The following TRAF7 variants were observed in gnomAD, a reference collection of about 807,000 sequenced individuals.
The protein encoded by TRAF7 is TNF receptor associated factor 7.
A neutral mutation model predicts 89.3 loss-of-function variants in TRAF7; 45 were observed. The ratio of observed to expected loss-of-function variants is 0.50; its 90% confidence interval spans 0.40 to 0.65. The LOEUF (loss-of-function observed/expected upper bound fraction) is 0.65. Among genes scored for constraint, TRAF7 ranks in the 30% least tolerant of loss-of-function variants. TRAF7 has a pLI of 0.00. For missense variants in TRAF7, 677 were observed against 918.1 expected (o/e 0.74, Z 3.39); for synonymous variants, 406 against 369.2 (o/e 1.10, Z -1.14).
rs371087983 is a variant in TRAF7, at chr16:2,165,820, A to G, written c.82-59A>G. ...TGTTAGGCATGTGAGTGGGCTCCAC[A>G]TGTGCACGTCCTCCTTGTGTCCCGG... On this transcript the variant is annotated intron_variant, in intron 2 of 20. Transcript: ENST00000326181. The G allele has an allele frequency of 5.2e-5, 83 of 1,605,972 alleles. No homozygotes were observed. In the African/African-American group the frequency reaches 6.8e-4, roughly 13 times the overall value.
Position 2,168,395 on chromosome 16 carries a change from C to G in TRAF7, c.231+227C>G, listed in dbSNP as rs2093095475. The G allele has an allele frequency of 1.9e-6, 1 of 518,340 alleles. No individual in the cohort carries two copies. Among genetic ancestry groups the G allele is most frequent in the East Asian group, 3.4e-5 (1 of 29,458 alleles). The allele number at this position is 518,340 out of a possible 1,614,324, so 32.1% of individuals were successfully genotyped here. ...GGGCAGCCAGTGAGGGCAGCTGGGTCAGAGGGCCTGGCACCTGCAGGCCAG... is the reference window on the plus strand; with the variant it reads ...GGGCAGCCAGTGAGGGCAGCTGGGTGAGAGGGCCTGGCACCTGCAGGCCAG... On this transcript the variant is annotated intron_variant, in intron 4 of 20. Transcript: ENST00000326181. The surrounding 1 kb of genome is among the most constrained non-coding windows in gnomAD (Gnocchi z 4.1).
intron 2 of TRAF7, among the ~76,000 whole-genome samples, chr16:2,165,453 C>G (rs1279570969): frequency 1.4e-3 from 121 of 87,510 alleles, no homozygotes; most frequent in Admixed American, 3.4e-3. Flanking sequence ...GCTGCGTGGC[C>G]TGGCCTGGTC....
rs568887014 is a variant in TRAF7 at position 2,158,769 on chromosome 16, G to C, written c.-39+2911G>C. Among the ~76,000 whole-genome samples the C allele has an allele frequency of 2.4e-4, 18 of 76,564 alleles. 1 individual carries two copies. Among genetic ancestry groups the C allele is most frequent in the Non-Finnish European group, 2.4e-4 (8 of 33,502 alleles). 50.2% of individuals were successfully genotyped at this position (76,564 alleles called of 152,430 possible). A position where few individuals can be genotyped will look rare whatever the true frequency, so the allele number is the denominator to read the frequency against. ...TGGGACTGGGAAGCGTGGGCTCGGC[G>C]GGGGGGGGGGGGACACTGCCACCCT... On this transcript the variant is annotated intron_variant, in intron 1 of 20. Coordinates refer to ENST00000326181, the MANE Select transcript of TRAF7 (RefSeq NM_032271.3). The surrounding 1 kb of genome is among the most constrained non-coding windows in gnomAD (Gnocchi z 4.7).
Position 2,177,390 on chromosome 16 carries a change from A to ACAC in TRAF7, c.*820_*822dup. 1 of 233,138 alleles carries ACAC rather than the reference A, an allele frequency of 4.3e-6. No homozygotes were observed. The highest frequency in any genetic ancestry group is 8.5e-6 in the Non-Finnish European group (1 of 117,966). The allele number at this position is 233,138 out of a possible 1,614,324, so 14.4% of individuals were successfully genotyped here. The stretch of plus-strand genomic sequence containing the variant: ...TCCGCCAGCCGCCTCCACCCGCCCC[A>ACAC]CACCACAATCGCTGGTTTTCGGCAT... On this transcript the variant is annotated 3_prime_UTR_variant, in exon 21 of 21. Coordinates refer to ENST00000326181, the MANE Select transcript of TRAF7 (RefSeq NM_032271.3).
intron 9 of TRAF7, 23 bp downstream of exon 9, chr16:2,172,622 T>TGGGGGGGGGGGGGGGGGG: frequency 1.3e-6 from 1 of 752,308 alleles, no homozygotes; most frequent in Non-Finnish European, 2.0e-6. Context: ...CGGGCGGGGG[T>TGGGGGGGGGGGGGGGGGG]GGGCCGGGGT....
At chr16:2,174,072 T>A (rs1056372112) in intron 13 of TRAF7, 24 bp downstream of exon 13, 4 of 1,611,376 alleles carry the variant, frequency 2.5e-6, no homozygotes, top group Non-Finnish European at 3.4e-6. Flanking sequence ...TACCTCAGTC[T>A]CTGCAGCCTG....
chr16:2,172,647 C>T, intron 9 of TRAF7, 48 bp downstream of exon 9: 2 of 1,529,008 alleles, frequency 1.3e-6, no homozygotes, highest in East Asian at 2.5e-5. Flanking sequence ...GCAGGCCCTC[C>T]ACAGGCTCCG....
At chr16:2,174,399 G>A in intron 14 of TRAF7, 66 bp downstream of exon 14, 1 of 1,526,520 alleles carries the variant, frequency 6.6e-7, no homozygotes, top group South Asian at 1.2e-5. Flanking sequence ...CCACCCCGTG[G>A]GCCGTGAGCC....
Position 2,159,440 on chromosome 16 carries a change from A to G in TRAF7, c.-39+3582A>G, listed in dbSNP as rs2141264273. On this transcript the variant is annotated intron_variant, in intron 1 of 20. Transcript: ENST00000326181. The surrounding 1 kb of genome is among the most constrained non-coding windows in gnomAD (Gnocchi z 6.5). ...GTCACACCCTGCCTATTTGGGATGG[A>G]AAAAACGTTCTAAGGGACGTCAGGG... 6.6e-6 allele frequency among the ~76,000 whole-genome samples: 1 copy of G among 152,350 alleles called. No homozygotes were observed. The highest frequency in any genetic ancestry group is 1.9e-4 in the East Asian group (1 of 5,184).
At chr16:2,167,027 C>T (rs999558522) in intron 3 of TRAF7, among the ~76,000 whole-genome samples, 1 of 152,218 alleles carries the variant, frequency 6.6e-6, no homozygotes, top group Non-Finnish European at 1.5e-5. Flanking sequence ...CCGCCAAGGA[C>T]ACCTGCTTAC....
intron 1 of TRAF7, among the ~76,000 whole-genome samples, chr16:2,160,089 C>T (rs558878136): frequency 7.2e-5 from 11 of 152,286 alleles, no homozygotes; most frequent in African/African-American, 2.4e-4. Context: ...GGCAGCGAGG[C>T]GCTGAGGAAG....
At chr16:2,173,859 T>TTGGGCGGCCCCCC in intron 12 of TRAF7, 23 bp downstream of exon 12, 1 of 1,246,254 alleles carries the variant, frequency 8.0e-7, no homozygotes, top group Non-Finnish European at 1.1e-6. Context: ...CCGCCGTGGC[T>TTGGGCGGCCCCCC]CCCGCCCACC....
Position 2,168,175 on chromosome 16 carries a change from C to CCCT in TRAF7, c.231+8_231+10dup. On this transcript the variant is annotated splice_region_variant and intron_variant, in intron 4 of 20. Transcript: ENST00000326181. The surrounding 1 kb of genome is among the most constrained non-coding windows in gnomAD (Gnocchi z 4.1). ...GGACGAGGAGGACAGCATGGTAGGT[C>CCCT]CCTACCCCCAGGAGCCCGTGTGAGC... 6.2e-7 allele frequency: 1 copy of CCCT among 1,605,276 alleles called. No homozygotes were observed. Among genetic ancestry groups the CCCT allele is most frequent in the Non-Finnish European group, 8.5e-7 (1 of 1,176,940 alleles).
At position 2,172,487 on chromosome 16, in the gene TRAF7, T is replaced by A; in HGVS notation, c.682T>A (p.Tyr228Asn). ...CAGGGACCACGAGGGCAGCTGTGAC[T>A]ACAGGCCTGTGCGGTGTCCCAACAA... ...ARKDHEGSCD[Y>N]RPVRCPNNPS... Residue 228 changes from tyrosine (Y) to asparagine (N), a missense_variant, in exon 9 of 21, where the codon TAC (tyrosine) becomes AAC (asparagine). Physicochemically the swap from Tyr to Asn is moderately radical, Grantham distance 143. Transcript: ENST00000326181. The A allele has an allele frequency of 6.2e-7, 1 of 1,608,980 alleles. No individual in the cohort carries two copies. The highest frequency in any genetic ancestry group is 8.5e-7 in the Non-Finnish European group (1 of 1,178,656).
rs780640298 is a variant in TRAF7, at chr16:2,162,830, C to G, written c.-38-1053C>G. ...GGGAGCTCAGCTTCAAGCCGGGGCT[C>G]GGCTGCGCTATCCGCTGCCAGCAGG... On this transcript the variant is annotated intron_variant, in intron 1 of 20. Coordinates refer to ENST00000326181, the MANE Select transcript of TRAF7 (RefSeq NM_032271.3). This position sits in a 1 kb window ranked among gnomAD's most constrained non-coding sequence, Gnocchi z 5.0. Among the ~76,000 whole-genome samples, 1 of 152,062 alleles carries G rather than the reference C, an allele frequency of 6.6e-6. No individual in the cohort carries two copies. Among genetic ancestry groups the G allele is most frequent in the Non-Finnish European group, 1.5e-5 (1 of 67,994 alleles).
In TRAF7 at chr16:2,173,356, G is replaced by A. The variant is rs377382568; in HGVS notation, c.969G>A (p.Ser323=). 339 of 1,613,486 alleles carry A rather than the reference G, an allele frequency of 2.1e-4. No homozygotes were observed. Among genetic ancestry groups the A allele is most frequent in the Non-Finnish European group, 2.6e-4 (305 of 1,180,016 alleles). Reference sequence around the variant, plus strand: ...TGCGCTCCATGCTGGGAAAGCTCTCGGAGAAGATCGACCAGCTAGAGAAGA... The same window carrying A: ...TGCGCTCCATGCTGGGAAAGCTCTCAGAGAAGATCGACCAGCTAGAGAAGA... The part of the protein sequence containing the change: ...AFLRSMLGKL[S]EKIDQLEKSL... Residue 323 remains serine (S), a synonymous_variant, in exon 10 of 21, where the codon TCG becomes TCA. Coordinates refer to ENST00000326181, the MANE Select transcript of TRAF7 (RefSeq NM_032271.3).
At position 2,163,133 on chromosome 16, in the gene TRAF7, C is replaced by T. The variant is rs1042877881; in HGVS notation, c.-38-750C>T. On this transcript the variant is annotated intron_variant, in intron 1 of 20. Transcript: ENST00000326181. This position sits in a 1 kb window ranked among gnomAD's most constrained non-coding sequence, Gnocchi z 4.3. ...CCCAGCACCCACGGAGGGGCCACGTCTCCCCCAGGCCCACCAGCCCCTCTC... is the reference window on the plus strand; with the variant it reads ...CCCAGCACCCACGGAGGGGCCACGTTTCCCCCAGGCCCACCAGCCCCTCTC... Among the ~76,000 whole-genome samples, 4 of 152,204 alleles carry T rather than the reference C, an allele frequency of 2.6e-5. No individual in the cohort carries two copies. The highest frequency in any genetic ancestry group is 6.5e-5 in the Admixed American group (1 of 15,286).
At chr16:2,174,685 G>C (rs960104945) in intron 14 of TRAF7, among the ~76,000 whole-genome samples, 1 of 152,222 alleles carries the variant, frequency 6.6e-6, no homozygotes, top group Non-Finnish European at 1.5e-5. Context: ...AGGGCATAGA[G>C]ACTACGGAGC....
intron 2 of TRAF7, among the ~76,000 whole-genome samples, chr16:2,164,455 T>C (rs1319875749): frequency 2.6e-5 from 2 of 76,842 alleles, no homozygotes; most frequent in African/African-American, 5.2e-5. Context: ...TTAAGCGTGT[T>C]AGTGCTGCGT....
Sources: gnomAD v4.1 joint callset for allele counts (sites outside exome capture counted in the v4.1 genomes callset) on GRCh38, gnomAD v4.1.1 for gene constraint, Gnocchi (gnomAD v3.1) non-coding constraint, MANE v1.5 for transcripts, NCBI Gene and HGNC (gene_info 2026-07-23, HGNC 2026-07-21) for gene names.